R3HDM2: variants seen among roughly 807,000 people sequenced by gnomAD.
The protein encoded by R3HDM2 is R3H domain-containing protein 2.
Under a neutral mutation model 124.5 loss-of-function variants are expected in R3HDM2, and 38 were observed. The ratio of observed to expected loss-of-function variants is 0.31; its 90% CI spans 0.24 to 0.40. The LOEUF (loss-of-function observed/expected upper bound fraction) is 0.40, where lower values mean the gene tolerates loss of function less well. Among genes scored for constraint, R3HDM2 ranks in the 10% least tolerant of loss-of-function variants. The pLI, the probability that R3HDM2 is intolerant of heterozygous loss-of-function variation, is 1.00. For missense variants in R3HDM2, 869 were observed against 1,236.9 expected (o/e 0.70, Z 4.46); for synonymous variants, 391 against 448.0 (o/e 0.87, Z 1.61).
In R3HDM2 at chr12:57,299,419, T is replaced by C; in HGVS notation, c.354A>G (p.Lys118=). 6.5e-7 allele frequency: 1 copy of C among 1,543,740 alleles called. No individual in the cohort carries two copies. The highest frequency in any genetic ancestry group is 8.8e-7 in the Non-Finnish European group (1 of 1,139,524). The change falls in exon 6 of 24, where the codon AAA becomes AAG. Residue 118 remains lysine (K), a synonymous_variant. Coordinates refer to ENST00000402412, the MANE Select transcript of R3HDM2 (RefSeq NM_001394031.1). ...CCTTGTCTTCCTTTTCAGAGACATC[T>C]TTTGTGGACTTTTCTTCCTCCTTGT... ...PSDKEEEKST[K]DVSEKEDKDK...
chr12:57,278,266 C>T (rs2045323516), intron 14 of R3HDM2, among the ~76,000 whole-genome samples: 1 of 152,184 alleles, frequency 6.6e-6, no homozygotes, highest in Non-Finnish European at 1.5e-5. Context: ...TTGACCCTCA[C>T]AATCCAGTAG....
chr12:57,266,810 T>C lies in R3HDM2; in HGVS notation c.2052A>G (p.Gln684=). The C allele has an allele frequency of 3.1e-6, 5 of 1,607,488 alleles. No individual in the cohort carries two copies. Among genetic ancestry groups the C allele is most frequent in the Non-Finnish European group, 4.3e-6 (5 of 1,174,852 alleles). The part of the protein sequence containing the change: ...NGTSPSVGFL[Q]PPGSEQYQMP... The stretch of plus-strand genomic sequence containing the variant: ...TCTGGTACTGCTCAGAGCCAGGGGG[T>C]TGCAGAAACCCTACAGAAGGGCTGG... Residue 684 remains glutamine (Q), a synonymous_variant, in exon 19 of 24, where the codon CAA becomes CAG. Coordinates refer to ENST00000402412, the MANE Select transcript of R3HDM2 (RefSeq NM_001394031.1).
chr12:57,271,842 CAG>C (rs1208568248), intron 14 of R3HDM2, among the ~76,000 whole-genome samples: 2 of 151,554 alleles, frequency 1.3e-5, no homozygotes, highest in African/African-American at 2.4e-5. Flanking sequence ...CATGGTAAAA[CAG>C]GGGAACAGTT....
At chr12:57,396,639 T>C (rs1367687539) in intron 1 of R3HDM2, among the ~76,000 whole-genome samples, 2 of 150,768 alleles carry the variant, frequency 1.3e-5, no homozygotes, top group Non-Finnish European at 3.0e-5. Context: ...ATTAGCCAAG[T>C]GTGTTGGCGG....
chr12:57,383,378 A>T (rs1027526027), intron 2 of R3HDM2, among the ~76,000 whole-genome samples: 10 of 152,126 alleles, frequency 6.6e-5, no homozygotes, highest in Non-Finnish European at 1.3e-4. Context: ...ATACATTGGG[A>T]TCACAATTTG....
chr12:57,342,235 T>C (rs2059635947), intron 2 of R3HDM2, among the ~76,000 whole-genome samples: 1 of 152,142 alleles, frequency 6.6e-6, no homozygotes, highest in Non-Finnish European at 1.5e-5. Flanking sequence ...ATTGTAAAGA[T>C]CTGTTCTGCC....
At position 57,297,883 on chromosome 12, in the gene R3HDM2, T is replaced by C. The variant is rs1327266883; in HGVS notation, c.500+207A>G. 5 of 574,404 alleles carry C rather than the reference T, an allele frequency of 8.7e-6. No homozygotes were observed. In the Admixed American group the frequency reaches 1.3e-4, roughly 15 times the overall value. The allele number at this position is 574,404 out of a possible 1,614,324, so 35.6% of individuals were successfully genotyped here. On this transcript the variant is annotated intron_variant, in intron 7 of 23. Coordinates refer to ENST00000402412, the MANE Select transcript of R3HDM2 (RefSeq NM_001394031.1). ...TCTGCATTCTTCTTTCACAGAAGTT[T>C]TCCCAATTCTTCTGAAAACAGAAAC...
chr12:57,289,119 T>C, intron 11 of R3HDM2, 79 bp from the exon 12 acceptor site: 1 of 1,382,902 alleles, frequency 7.2e-7, no homozygotes. Flanking sequence ...CATGATGCTA[T>C]GAATACCCAA....
At chr12:57,353,590 T>C (rs2060913511) in intron 2 of R3HDM2, among the ~76,000 whole-genome samples, 3 of 151,812 alleles carry the variant, frequency 2.0e-5, no homozygotes, top group Admixed American at 2.0e-4. Flanking sequence ...TTTATTTTTA[T>C]TTTTTTTAGA....
chr12:57,427,020 C>T (rs2070805607), intron 1 of R3HDM2, among the ~76,000 whole-genome samples: 1 of 152,220 alleles, frequency 6.6e-6, no homozygotes, highest in Admixed American at 6.5e-5. Flanking sequence ...TGGCTGGGCA[C>T]AGAGGCTCAC....
At chr12:57,364,276 T>C (rs1028397883) in intron 2 of R3HDM2, among the ~76,000 whole-genome samples, 5 of 150,488 alleles carry the variant, frequency 3.3e-5, no homozygotes, top group African/African-American at 1.2e-4. Context: ...GCCTCCAGAG[T>C]AGCTGGGATT....
intron 2 of R3HDM2, among the ~76,000 whole-genome samples, chr12:57,339,020 ATGTG>A (rs1430011786): frequency 6.6e-5 from 10 of 152,022 alleles, no homozygotes; most frequent in Non-Finnish European, 1.5e-4. Context: ...CGTTTTACAA[ATGTG>A]TGTGCATGTG....
At chr12:57,328,205 G>A (rs976178765) in intron 2 of R3HDM2, among the ~76,000 whole-genome samples, 1 of 152,016 alleles carries the variant, frequency 6.6e-6, no homozygotes, top group African/African-American at 2.4e-5. Flanking sequence ...CCAAGGAGCT[G>A]GGACTACAGG....
At chr12:57,368,064 G>A (rs796389683) in intron 2 of R3HDM2, among the ~76,000 whole-genome samples, 1 of 150,570 alleles carries the variant, frequency 6.6e-6, no homozygotes, top group Non-Finnish European at 1.5e-5. Context: ...TGGTTTTTTG[G>A]TTACTATTAT....
intron 2 of R3HDM2, among the ~76,000 whole-genome samples, chr12:57,350,148 TGCAGTAAGCCGAGATC>T (rs1451447924): frequency 2.0e-5 from 3 of 151,942 alleles, no homozygotes; most frequent in Non-Finnish European, 4.4e-5. Context: ...AGGCAGAGAT[TGCAGTAAGCCGAGATC>T]GCGCCACTGC....
At chr12:57,257,668 C>G (rs1224225716) in intron 21 of R3HDM2, among the ~76,000 whole-genome samples, 1 of 152,186 alleles carries the variant, frequency 6.6e-6, no homozygotes, top group Non-Finnish European at 1.5e-5. Context: ...CCCACATTCC[C>G]AGCCCTCAGA....
At chr12:57,382,703 G>A (rs1343176501) in intron 2 of R3HDM2, among the ~76,000 whole-genome samples, 2 of 151,508 alleles carry the variant, frequency 1.3e-5, no homozygotes, top group African/African-American at 4.8e-5. Context: ...AGGCGTGGTG[G>A]CAGGCACCTG....
At chr12:57,354,652 T>C (rs542993433) in intron 2 of R3HDM2, among the ~76,000 whole-genome samples, 173 of 152,208 alleles carry the variant, frequency 1.1e-3, no homozygotes, top group African/African-American at 4.1e-3. Context: ...TTCAACCCTG[T>C]ATCTTCCCTG....
intron 1 of R3HDM2, among the ~76,000 whole-genome samples, chr12:57,424,154 G>T (rs1322534158): frequency 1.4e-5 from 2 of 139,636 alleles, no homozygotes; most frequent in African/African-American, 2.6e-5. Context: ...CAAAGAAACT[G>T]TAAGTGAACA....
Sources: allele counts gnomAD v4.1 joint callset (sites outside exome capture counted in the v4.1 genomes callset), GRCh38; gene constraint gnomAD v4.1.1; transcripts MANE v1.5; gene names NCBI Gene and HGNC (gene_info 2026-07-23, HGNC 2026-07-21).